SNRPN: variants seen among roughly 807,000 people sequenced by gnomAD.
SNRPN encodes small nuclear ribonucleoprotein polypeptide N, also known as small nuclear ribonucleoprotein-associated protein N.
Under a neutral mutation model 25.2 loss-of-function variants are expected in SNRPN, and 7 were observed. That is an observed-to-expected ratio of 0.28 (90% confidence interval 0.16 to 0.52). The LOEUF (loss-of-function observed/expected upper bound fraction) is 0.52. Ranked by LOEUF, SNRPN falls within the 20% of genes least tolerant of loss-of-function variation. The pLI is 0.96. For synonymous variants in SNRPN, 124 were observed against 110.6 expected (o/e 1.12, Z -0.76); for missense variants, 196 against 322.5 (o/e 0.61, Z 3.00).
intron 2 of SNRPN, among the ~76,000 whole-genome samples, chr15:24,888,690 C>T (rs1030879309): frequency 6.6e-6 from 1 of 152,114 alleles, no homozygotes; most frequent in African/African-American, 2.4e-5. Flanking sequence ...GAGCAGTTTC[C>T]TACAGATAGT....
intron 1 of SNRPN, among the ~76,000 whole-genome samples, chr15:24,826,118 A>C (rs2140982471): frequency 6.6e-6 from 1 of 152,144 alleles, no homozygotes; most frequent in East Asian, 1.9e-4. Flanking sequence ...CTTCATTCAA[A>C]TGTCTTCTCG....
At chr15:24,945,366 A>AC (rs57512527) in intron 3 of SNRPN, among the ~76,000 whole-genome samples, 1 of 149,596 alleles carries the variant, frequency 6.7e-6, no homozygotes. Context: ...AAAAAAAAAA[A>AC]GTACCACAGC....
At chr15:24,914,105 G>C (rs2059382837) in intron 2 of SNRPN, among the ~76,000 whole-genome samples, 2 of 152,112 alleles carry the variant, frequency 1.3e-5, no homozygotes, top group South Asian at 4.2e-4. Context: ...GAGTGGGGAG[G>C]GAGAGGGTAC....
upstream of SNRPN, among the ~76,000 whole-genome samples, chr15:24,854,979 G>C (rs908220168): frequency 1.4e-5 from 2 of 147,196 alleles, no homozygotes; most frequent in Non-Finnish European, 3.0e-5. Context: ...ACTCCAGCCT[G>C]GGTGACAGAG....
At chr15:24,900,012 G>C (rs542455576) in intron 2 of SNRPN, among the ~76,000 whole-genome samples, 3 of 152,270 alleles carry the variant, frequency 2.0e-5, no homozygotes, top group South Asian at 2.1e-4. Context: ...TGGGATACTA[G>C]CAACCTATGA....
chr15:24,847,146 C>A (rs1385602893), intron 2 of SNRPN, among the ~76,000 whole-genome samples: 2 of 152,082 alleles, frequency 1.3e-5, no homozygotes, highest in Admixed American at 1.3e-4. Context: ...TACTTTCATG[C>A]CTTAATTTCA....
At chr15:24,846,137 G>A (rs1367370068) in intron 2 of SNRPN, among the ~76,000 whole-genome samples, 2 of 151,844 alleles carry the variant, frequency 1.3e-5, no homozygotes, top group African/African-American at 4.8e-5. Flanking sequence ...CATTAAATTG[G>A]TATATCTTTA....
chr15:24,834,184 A>G (rs553654459), intron 2 of SNRPN, among the ~76,000 whole-genome samples: 2 of 152,228 alleles, frequency 1.3e-5, no homozygotes, highest in African/African-American at 4.8e-5. Context: ...TTGGCCTCCC[A>G]AAGTGCTGGG....
rs144765978 is a variant in SNRPN at position 24,927,697 on chromosome 15, G to GT, written c.-391+7579dup. ...CAGTTTCTTCATTTGCCCCAATAAT[G>GT]TTTTTTATAGCTTTTTCATGTTAAA... On this transcript the variant is annotated intron_variant, in intron 3 of 11. Coordinates refer to the SNRPN transcript ENST00000400097. 7.8e-3 allele frequency among the ~76,000 whole-genome samples: 1,182 copies of GT among 151,864 alleles called. 10 individuals are homozygous for GT. The highest frequency in any genetic ancestry group is 0.027 in the African/African-American group (1,113 of 41,420).
chr15:24,914,669 T>C (rs1358435680), intron 2 of SNRPN, among the ~76,000 whole-genome samples: 1 of 152,150 alleles, frequency 6.6e-6, no homozygotes, highest in Non-Finnish European at 1.5e-5. Context: ...AATCAACTTA[T>C]TAGGAATAAA....
upstream of SNRPN, among the ~76,000 whole-genome samples, chr15:24,855,412 CTA>C (rs2053293831): frequency 6.6e-6 from 1 of 152,108 alleles, no homozygotes; most frequent in Non-Finnish European, 1.5e-5. Flanking sequence ...TTGACTGAGT[CTA>C]TCTTTGAAGT....
At chr15:24,885,541 A>T (rs1489562220) in intron 1 of SNRPN, among the ~76,000 whole-genome samples, 1 of 150,236 alleles carries the variant, frequency 6.7e-6, no homozygotes, top group Non-Finnish European at 1.5e-5. Flanking sequence ...GAATAATTTA[A>T]CCATTTTGCT....
chr15:24,882,160 T>G (rs1566865640), intron 1 of SNRPN, among the ~76,000 whole-genome samples: 1 of 152,176 alleles, frequency 6.6e-6, no homozygotes, highest in Non-Finnish European at 1.5e-5. Flanking sequence ...GATTAAATAT[T>G]AAATACAAAA....
At chr15:24,888,413 A>T (rs1022612048) in intron 2 of SNRPN, among the ~76,000 whole-genome samples, 9 of 152,110 alleles carry the variant, frequency 5.9e-5, no homozygotes, top group African/African-American at 2.2e-4. Flanking sequence ...GCCAGGAATG[A>T]CTGTCAACTA....
chr15:24,969,891 A>G (rs1450160127), intron 3 of SNRPN, among the ~76,000 whole-genome samples: 2 of 152,212 alleles, frequency 1.3e-5, no homozygotes, highest in Non-Finnish European at 2.9e-5. Flanking sequence ...ATCTTTGGCC[A>G]CATTGGTGCT....
chr15:24,906,830 T>G (rs1326116336), intron 2 of SNRPN, among the ~76,000 whole-genome samples: 2 of 152,134 alleles, frequency 1.3e-5, no homozygotes, highest in African/African-American at 2.4e-5. Flanking sequence ...TGTCATCCAG[T>G]CTATTTCTAA....
At chr15:24,882,009 C>T (rs897674526) in intron 1 of SNRPN, among the ~76,000 whole-genome samples, 26 of 152,096 alleles carry the variant, frequency 1.7e-4, no homozygotes, top group Admixed American at 4.6e-4. Flanking sequence ...CCACCTTCCC[C>T]GATGCTCTCA....
At chr15:24,923,962 A>C (rs2060217687) in intron 3 of SNRPN, among the ~76,000 whole-genome samples, 1 of 107,502 alleles carries the variant, frequency 9.3e-6, no homozygotes, top group Non-Finnish European at 1.7e-5. Flanking sequence ...ATGGAGTCTC[A>C]CTCTGTCACC....
At chr15:24,857,772 T>C (rs1025951839) in intron 1 of SNRPN, among the ~76,000 whole-genome samples, 1 of 152,128 alleles carries the variant, frequency 6.6e-6, no homozygotes. Flanking sequence ...GGAACTATAA[T>C]AGAGAAGCAA....
Sources: gnomAD v4.1 joint callset for allele counts (sites outside exome capture counted in the v4.1 genomes callset) on GRCh38, gnomAD v4.1.1 for gene constraint, MANE v1.5 for transcripts, NCBI Gene and HGNC (gene_info 2026-07-23, HGNC 2026-07-21) for gene names.